The following DRC11 variants were observed in gnomAD, a reference collection of about 807,000 sequenced individuals.
DRC11 encodes IQ and AAA domain-containing protein 1.
the DRC11 span, among the ~76,000 whole-genome samples, chr2:236,361,820 G>A: frequency 6.6e-6 from 1 of 152,190 alleles, no homozygotes; most frequent in African/African-American, 2.4e-5. This position sits in a 1 kb window ranked among gnomAD's most constrained non-coding sequence, Gnocchi z 5.7. Context: ...GACATATGTT[G>A]TCAGATTGAA....
chr2:236,398,754 G>A, the DRC11 span, among the ~76,000 whole-genome samples: 1 of 152,284 alleles, frequency 6.6e-6, no homozygotes, highest in East Asian at 1.9e-4. This position sits in a 1 kb window ranked among gnomAD's most constrained non-coding sequence, Gnocchi z 6.2. Flanking sequence ...CAGAAAAATC[G>A]TGTGTCAGAA....
chr2:236,476,997 A>C, the DRC11 span, among the ~76,000 whole-genome samples: 4 of 152,006 alleles, frequency 2.6e-5, no homozygotes, highest in African/African-American at 4.8e-5. The surrounding 1 kb of genome is among the most constrained non-coding windows in gnomAD (Gnocchi z 4.7). Context: ...AGCATTGTTG[A>C]ATTTGGTTTT....
At chr2:236,461,245 C>T in the DRC11 span, among the ~76,000 whole-genome samples, 1 of 152,078 alleles carries the variant, frequency 6.6e-6, no homozygotes, top group East Asian at 1.9e-4. This position sits in a 1 kb window ranked among gnomAD's most constrained non-coding sequence, Gnocchi z 4.0. Flanking sequence ...TTTTTGAATA[C>T]CTATTCTCTG....
chr2:236,318,995 C>T, the DRC11 span, among the ~76,000 whole-genome samples: 15 of 152,142 alleles, frequency 9.9e-5, no homozygotes, highest in Non-Finnish European at 2.2e-4. This position sits in a 1 kb window ranked among gnomAD's most constrained non-coding sequence, Gnocchi z 7.0. Flanking sequence ...ACCCCCAAAG[C>T]GGCCCCAGCA....
At chr2:236,426,696 C>T in the DRC11 span, among the ~76,000 whole-genome samples, 41 of 152,284 alleles carry the variant, frequency 2.7e-4, no homozygotes, top group South Asian at 4.8e-3. This position sits in a 1 kb window ranked among gnomAD's most constrained non-coding sequence, Gnocchi z 4.1. Flanking sequence ...CGTGAGCCAC[C>T]GTGCCCGGCC....
the DRC11 span, among the ~76,000 whole-genome samples, chr2:236,395,836 C>T: frequency 1.3e-5 from 2 of 152,094 alleles, no homozygotes; most frequent in Non-Finnish European, 1.5e-5. Flanking sequence ...AACAAAACAG[C>T]TTTGTTAGTA....
At chr2:236,483,536 A>G in the DRC11 span, among the ~76,000 whole-genome samples, 1 of 152,188 alleles carries the variant, frequency 6.6e-6, no homozygotes, top group African/African-American at 2.4e-5. The surrounding 1 kb of genome is among the most constrained non-coding windows in gnomAD (Gnocchi z 4.8). Context: ...TTGAGAGTTT[A>G]CAAACACAGA....
At chr2:236,354,340 CATGT>C in the DRC11 span, among the ~76,000 whole-genome samples, 2 of 103,858 alleles carry the variant, frequency 1.9e-5, no homozygotes, top group Non-Finnish European at 4.2e-5. Flanking sequence ...TATTAGTGTG[CATGT>C]GTGTGTGTGG....
At chr2:236,309,807 G>A in the DRC11 span, among the ~76,000 whole-genome samples, 1 of 152,134 alleles carries the variant, frequency 6.6e-6, no homozygotes. The surrounding 1 kb of genome is among the most constrained non-coding windows in gnomAD (Gnocchi z 5.7). Flanking sequence ...GGTGCCCGAC[G>A]GTCCACCTCC....
the DRC11 span, among the ~76,000 whole-genome samples, chr2:236,321,003 TCCG>T: frequency 3.3e-5 from 5 of 152,142 alleles, no homozygotes; most frequent in South Asian, 1.0e-3. Flanking sequence ...GCTGACCTGC[TCCG>T]TGGATGACAA....
the DRC11 span, chr2:236,497,207 A>C: frequency 6.2e-7 from 1 of 1,612,582 alleles, no homozygotes; most frequent in East Asian, 2.2e-5. This position sits in a 1 kb window ranked among gnomAD's most constrained non-coding sequence, Gnocchi z 5.1. Flanking sequence ...AAATAATGGA[A>C]CTCCGTGAGT....
the DRC11 span, among the ~76,000 whole-genome samples, chr2:236,357,844 TAATATATA>T: frequency 1.1e-5 from 1 of 91,358 alleles, no homozygotes; most frequent in African/African-American, 4.0e-5. Flanking sequence ...TATAAATATG[TAATATATA>T]AATATATACT....
the DRC11 span, among the ~76,000 whole-genome samples, chr2:236,390,239 T>C: frequency 6.6e-6 from 1 of 152,220 alleles, no homozygotes; most frequent in Non-Finnish European, 1.5e-5. This position sits in a 1 kb window ranked among gnomAD's most constrained non-coding sequence, Gnocchi z 5.9. Flanking sequence ...TTTGGTTTCT[T>C]GTGATAGTTT....
chr2:236,343,018 G>A, the DRC11 span, among the ~76,000 whole-genome samples: 1 of 152,198 alleles, frequency 6.6e-6, no homozygotes, highest in African/African-American at 2.4e-5. This position sits in a 1 kb window ranked among gnomAD's most constrained non-coding sequence, Gnocchi z 6.6. Context: ...CATGGGCAGG[G>A]TTTGCGGGAA....
chr2:236,363,924 C>T, the DRC11 span: 13 of 1,614,008 alleles, frequency 8.1e-6, no homozygotes, highest in South Asian at 1.4e-4. The surrounding 1 kb of genome is among the most constrained non-coding windows in gnomAD (Gnocchi z 5.6). Flanking sequence ...CCCCAGACGG[C>T]CCGGCTAACA....
chr2:236,316,802 A>G, the DRC11 span, among the ~76,000 whole-genome samples: 2 of 152,232 alleles, frequency 1.3e-5, no homozygotes, highest in Non-Finnish European at 2.9e-5. The surrounding 1 kb of genome is among the most constrained non-coding windows in gnomAD (Gnocchi z 6.8). Context: ...GGGAGTTTGC[A>G]TGCATCGCTG....
At chr2:236,326,792 TTGTGTGTG>T in the DRC11 span, among the ~76,000 whole-genome samples, 5,679 of 144,012 alleles carry the variant, frequency 0.039, 177 homozygotes, top group East Asian at 0.11. Flanking sequence ...TTCAGATTTG[TTGTGTGTG>T]TGTGTGTGTG....
At chr2:236,321,887 C>T in the DRC11 span, among the ~76,000 whole-genome samples, 1 of 152,192 alleles carries the variant, frequency 6.6e-6, no homozygotes, top group Non-Finnish European at 1.5e-5. Flanking sequence ...CAACTTCACA[C>T]TCATACAACG....
the DRC11 span, among the ~76,000 whole-genome samples, chr2:236,501,585 G>A: frequency 3.9e-5 from 6 of 152,142 alleles, no homozygotes; most frequent in African/African-American, 2.4e-5. Context: ...TGTGGACAAC[G>A]ATCAAGAACA....
Sources: gnomAD v4.1 joint callset for allele counts (sites outside exome capture counted in the v4.1 genomes callset) on GRCh38, gnomAD v4.1.1 for gene constraint, Gnocchi (gnomAD v3.1) non-coding constraint, MANE v1.5 for transcripts, NCBI Gene and HGNC (gene_info 2026-07-23, HGNC 2026-07-21) for gene names.